PCDH9: variants seen among roughly 807,000 people sequenced by gnomAD.
PCDH9 encodes the protein protocadherin-9.
In PCDH9, 24 loss-of-function variants were observed where a neutral mutation model predicts 70.6. That is an observed-to-expected ratio of 0.34 (90% CI 0.25 to 0.48). The LOEUF (loss-of-function observed/expected upper bound fraction) is 0.48. Ranked by LOEUF, PCDH9 falls within the 20% of genes least tolerant of loss-of-function variation. PCDH9 has a pLI of 0.99. For missense variants in PCDH9, 1,281 were observed against 1,503.6 expected (o/e 0.85, Z 2.45); for synonymous variants, 562 against 558.5 (o/e 1.01, Z -0.09).
intron 4 of PCDH9, among the ~76,000 whole-genome samples, chr13:66,380,284 A>G (rs1956821855): frequency 6.6e-6 from 1 of 152,152 alleles, no homozygotes; most frequent in Non-Finnish European, 1.5e-5. Flanking sequence ...AATAATAGCT[A>G]TGTTTGGGAT....
intron 3 of PCDH9, among the ~76,000 whole-genome samples, chr13:66,795,995 T>C (rs1398144722): frequency 6.6e-6 from 1 of 152,178 alleles, no homozygotes; most frequent in Non-Finnish European, 1.5e-5. Flanking sequence ...GCACGCTGCC[T>C]CCTCCATTTT....
At chr13:66,774,248 G>A (rs895897950) in intron 3 of PCDH9, among the ~76,000 whole-genome samples, 2 of 152,074 alleles carry the variant, frequency 1.3e-5, no homozygotes, top group Non-Finnish European at 2.9e-5. Flanking sequence ...TTAGGAGAGA[G>A]CCAACGTCTG....
At chr13:67,152,243 A>T (rs2087681238) in intron 2 of PCDH9, among the ~76,000 whole-genome samples, 1 of 152,172 alleles carries the variant, frequency 6.6e-6, no homozygotes. Flanking sequence ...GCAGTGAACT[A>T]ATGAATTACA....
At chr13:66,717,041 G>A (rs1429025296) in intron 3 of PCDH9, among the ~76,000 whole-genome samples, 5 of 152,002 alleles carry the variant, frequency 3.3e-5, no homozygotes, top group Non-Finnish European at 5.9e-5. Context: ...GATTTTTCAT[G>A]TGTATATTCT....
intron 2 of PCDH9, among the ~76,000 whole-genome samples, chr13:67,199,509 G>A (rs1408239872): frequency 1.3e-5 from 2 of 151,812 alleles, no homozygotes; most frequent in Non-Finnish European, 2.9e-5. Context: ...ACATTATTTG[G>A]ATAATGTATC....
In PCDH9 at chr13:67,082,679, T is replaced by C. The variant is rs1265242170; in HGVS notation, c.3036+142726A>G. On this transcript the variant is annotated intron_variant, in intron 2 of 4. Transcript: ENST00000377865. ...CCAATTGTTTTATCTCTTTATATTA[T>C]GTTATCCCTCGTTCTACATATCCAA... Among the ~76,000 whole-genome samples, 4 of 152,212 alleles carry C rather than the reference T, an allele frequency of 2.6e-5. No individual in the cohort carries two copies. The East Asian group carries it at 5.8e-4, about 22-fold the overall frequency.
At chr13:67,007,842 G>A (rs1463707834) in intron 2 of PCDH9, among the ~76,000 whole-genome samples, 1 of 152,060 alleles carries the variant, frequency 6.6e-6, no homozygotes, top group Non-Finnish European at 1.5e-5. Flanking sequence ...AGTGGTTGGG[G>A]TATTCGTGAA....
At chr13:66,760,452 T>C (rs553435749) in intron 3 of PCDH9, among the ~76,000 whole-genome samples, 1 of 152,274 alleles carries the variant, frequency 6.6e-6, no homozygotes, top group East Asian at 1.9e-4. Context: ...CATGGACATT[T>C]ATGAGTTCCC....
chr13:67,000,515 GA>G (rs2084222131), intron 2 of PCDH9, among the ~76,000 whole-genome samples: 1 of 151,454 alleles, frequency 6.6e-6, no homozygotes, highest in Non-Finnish European at 1.5e-5. Flanking sequence ...AGACTTTATA[GA>G]AAAACTGTTA....
rs1313060788 is a variant in PCDH9, at chr13:66,987,873, G to A, written c.3037-84268C>T. ...ATAACTATTCAAAATAATATTTTAA[G>A]TGGAAATTTTAATAATTTAGTTTAT... is the stretch of plus-strand genomic sequence containing the variant. On this transcript the variant is annotated intron_variant, in intron 2 of 4. Coordinates refer to ENST00000377865, the MANE Select transcript of PCDH9 (RefSeq NM_203487.3). 2.0e-5 allele frequency among the ~76,000 whole-genome samples: 3 copies of A among 151,800 alleles called. 1 individual carries two copies. Among genetic ancestry groups the A allele is most frequent in the Middle Eastern group, 6.3e-3 (2 of 316 alleles).
At chr13:67,057,902 T>C (rs1278988176) in intron 2 of PCDH9, among the ~76,000 whole-genome samples, 1 of 152,120 alleles carries the variant, frequency 6.6e-6, no homozygotes, top group Non-Finnish European at 1.5e-5. Context: ...TTGTTGTTGA[T>C]ATTTTTTTCT....
At chr13:67,104,690 A>G (rs945670418) in intron 2 of PCDH9, among the ~76,000 whole-genome samples, 1 of 152,012 alleles carries the variant, frequency 6.6e-6, no homozygotes, top group South Asian at 2.1e-4. Context: ...CTGGGACTAC[A>G]AGCGCCCACC....
chr13:66,625,808 G>A (rs927640193), intron 4 of PCDH9, among the ~76,000 whole-genome samples: 8 of 151,728 alleles, frequency 5.3e-5, no homozygotes, highest in Admixed American at 1.3e-4. Context: ...TTACAGGCAC[G>A]CACCACCACA....
At chr13:66,491,557 C>T (rs1031540882) in intron 4 of PCDH9, among the ~76,000 whole-genome samples, 1 of 152,084 alleles carries the variant, frequency 6.6e-6, no homozygotes, top group African/African-American at 2.4e-5. Flanking sequence ...AGCTGATTAT[C>T]TTCTCTTTAG....
At chr13:67,037,536 A>G (rs914893935) in intron 2 of PCDH9, among the ~76,000 whole-genome samples, 3 of 152,202 alleles carry the variant, frequency 2.0e-5, no homozygotes. Context: ...CAGAATATAA[A>G]TAGAAAATTA....
intron 3 of PCDH9, among the ~76,000 whole-genome samples, chr13:66,828,899 C>G (rs933274436): frequency 6.6e-6 from 1 of 151,610 alleles, no homozygotes; most frequent in African/African-American, 2.4e-5. Context: ...AAAAGTATAC[C>G]TTCTGCCACA....
chr13:66,488,964 A>G, intron 4 of PCDH9, among the ~76,000 whole-genome samples: 1 of 152,330 alleles, frequency 6.6e-6, no homozygotes, highest in South Asian at 2.1e-4. Flanking sequence ...TATAAAATAT[A>G]AAATAAATAT....
chr13:66,477,975 C>T (rs1958764451), intron 4 of PCDH9, among the ~76,000 whole-genome samples: 2 of 152,144 alleles, frequency 1.3e-5, no homozygotes, highest in African/African-American at 4.8e-5. Context: ...CCAGATGCTA[C>T]ATTTTTTACA....
rs1033672186 is a variant in PCDH9 at position 66,761,893 on chromosome 13, A to T, written c.3139-130482T>A. Among the ~76,000 whole-genome samples, 22 of 151,174 alleles carry T rather than the reference A, an allele frequency of 1.5e-4. 1 individual carries two copies. In the East Asian group the frequency reaches 2.1e-3, roughly 15 times the overall value. On this transcript the variant is annotated intron_variant, in intron 3 of 4. Transcript: ENST00000377865. ...TTCATCTCTTTAGGATCAGTTACTG[A>T]TACTTTATTTTGTCCATTTGGTAGT...
Sources: gnomAD v4.1 joint callset for allele counts (sites outside exome capture counted in the v4.1 genomes callset) on GRCh38, gnomAD v4.1.1 for gene constraint, MANE v1.5 for transcripts, NCBI Gene and HGNC (gene_info 2026-07-23, HGNC 2026-07-21) for gene names.